ADAM12: variants seen among roughly 807,000 people sequenced by gnomAD.
ADAM12 encodes ADAM metallopeptidase domain 12, also known as disintegrin and metalloproteinase domain-containing protein 12.
ADAM12 carries 70 observed loss-of-function variants against 106.4 expected under a neutral mutation model. That is an observed-to-expected ratio of 0.66 (90% CI 0.54 to 0.80). The LOEUF is 0.80. Ranked by LOEUF, ADAM12 falls within the 30% of genes least tolerant of loss-of-function variation. The probability of loss-of-function intolerance (pLI) is 0.00; values close to 1 mark genes in which losing one functional copy is unlikely to be tolerated. For synonymous variants in ADAM12, 420 were observed against 433.5 expected, an observed-to-expected ratio of 0.97 and a Z score of 0.39; for missense variants, 1,010 against 1,171.9, an observed-to-expected ratio of 0.86 and a Z score of 2.02.
intron 2 of ADAM12, among the ~76,000 whole-genome samples, chr10:126,302,818 T>C (rs1214809348): frequency 2.0e-5 from 3 of 152,248 alleles, no homozygotes; most frequent in Non-Finnish European, 4.4e-5. Flanking sequence ...CATTTCAGAA[T>C]GATAAATGCC....
chr10:126,305,983 T>C lies in ADAM12; in HGVS notation c.186+24429A>G, dbSNP rs986516228. On this transcript the variant is annotated intron_variant, in intron 2 of 22. Coordinates refer to ENST00000448723, the MANE Select transcript of ADAM12 (RefSeq NM_001288973.2). ...TATATTTATATATACTTCATTTCTG[T>C]ATGTATTGACATTTAAAGTGTATCT... is the stretch of plus-strand genomic sequence containing the variant. Among the ~76,000 whole-genome samples, 3 of 152,182 alleles carry C rather than the reference T, an allele frequency of 2.0e-5. No homozygotes were observed. The South Asian group carries it at 6.2e-4, about 32-fold the overall frequency.
In ADAM12 at chr10:126,312,996, G is replaced by A. The variant is rs143120185; in HGVS notation, c.186+17416C>T. On this transcript the variant is annotated intron_variant, in intron 2 of 22. Coordinates refer to ENST00000448723, the MANE Select transcript of ADAM12 (RefSeq NM_001288973.2). ...AATTAGCCATGTTGGTTCAGATGAA[G>A]AGACAACATCACACGTTGCTACTTT... Among the ~76,000 whole-genome samples the A allele has an allele frequency of 3.1e-3, 477 of 152,340 alleles. 2 individuals carry two copies. The highest frequency in any genetic ancestry group is 0.011 in the African/African-American group (441 of 41,574).
intron 1 of ADAM12, among the ~76,000 whole-genome samples, chr10:126,387,204 G>A (rs535066269): frequency 2.0e-5 from 3 of 152,348 alleles, no homozygotes; most frequent in South Asian, 2.1e-4. Context: ...CGGCGGCGGA[G>A]ACCCGGGGAA....
chr10:126,258,337 T>C (rs1384376373), intron 3 of ADAM12, among the ~76,000 whole-genome samples: 1 of 152,118 alleles, frequency 6.6e-6, no homozygotes, highest in East Asian at 1.9e-4. Context: ...TCAGGATTTT[T>C]CCCTAATTAT....
In ADAM12 at chr10:126,019,715, C is replaced by G; in HGVS notation, c.2640G>C (p.Gly880=). 1 of 1,613,894 alleles carries G rather than the reference C, an allele frequency of 6.2e-7. No homozygotes were observed. The highest frequency in any genetic ancestry group is 8.5e-7 in the Non-Finnish European group (1 of 1,179,834). ...LARTPGQWET[G]LRLAPLRPAP... is the part of the protein sequence containing the mutation. ...CAAACCTGAGGGGTGCCAGGCGGAGCCCAGTCTCCCATTGTCCTGGGGTCC... is the reference window on the plus strand; with the variant it reads ...CAAACCTGAGGGGTGCCAGGCGGAGGCCAGTCTCCCATTGTCCTGGGGTCC... Residue 880 remains glycine, a synonymous_variant, in exon 22 of 23, where the codon GGG becomes GGC. Transcript: ENST00000448723.
intron 3 of ADAM12, among the ~76,000 whole-genome samples, chr10:126,218,534 G>A (rs1958030870): frequency 6.6e-6 from 1 of 152,130 alleles, no homozygotes; most frequent in Non-Finnish European, 1.5e-5. Flanking sequence ...AGGTGCTTGG[G>A]TCTGTGAGGT....
intron 2 of ADAM12, among the ~76,000 whole-genome samples, chr10:126,309,635 G>T (rs1049423945): frequency 3.3e-5 from 5 of 152,206 alleles, no homozygotes; most frequent in Non-Finnish European, 7.3e-5. Flanking sequence ...ATTACACTGA[G>T]TGGGAATCCA....
intron 3 of ADAM12, among the ~76,000 whole-genome samples, chr10:126,236,558 G>A (rs553500995): frequency 5.9e-5 from 9 of 152,300 alleles, no homozygotes; most frequent in South Asian, 2.1e-4. Context: ...AAGCAAGCAC[G>A]GCTCTGCGGG....
intron 11 of ADAM12, among the ~76,000 whole-genome samples, chr10:126,072,069 T>C (rs903040629): frequency 2.0e-5 from 3 of 151,630 alleles, no homozygotes; most frequent in African/African-American, 4.8e-5. Context: ...AAGAAAAGAG[T>C]ACAAATGACG....
intron 3 of ADAM12, among the ~76,000 whole-genome samples, chr10:126,220,036 G>A (rs938185226): frequency 1.3e-5 from 2 of 152,180 alleles, no homozygotes; most frequent in South Asian, 2.1e-4. Context: ...CAAGTAGGAC[G>A]TCTCTGAATC....
intron 2 of ADAM12, among the ~76,000 whole-genome samples, chr10:126,328,199 C>T (rs1048929405): frequency 6.6e-6 from 1 of 152,180 alleles, no homozygotes; most frequent in African/African-American, 2.4e-5. Context: ...TGGCAGAAAG[C>T]GTGTCTGCCT....
intron 11 of ADAM12, among the ~76,000 whole-genome samples, chr10:126,084,940 GTTC>G (rs1343665270): frequency 6.6e-6 from 1 of 152,220 alleles, no homozygotes; most frequent in Non-Finnish European, 1.5e-5. Flanking sequence ...GATTGTACCT[GTTC>G]TTTATTTTTA....
rs541258970 is a variant in ADAM12, at chr10:126,023,698, G to A, written c.2530-3873C>T. ...TTCTGGTGCTGGACAGACCGAGGGA[G>A]AAAAATAAACCTGTCACCACAAATT... On this transcript the variant is annotated intron_variant, in intron 21 of 22. Coordinates refer to ENST00000448723, the MANE Select transcript of ADAM12 (RefSeq NM_001288973.2). Among the ~76,000 whole-genome samples, 6 of 152,282 alleles carry A rather than the reference G, an allele frequency of 3.9e-5. No homozygotes were observed. The East Asian group carries it at 1.2e-3, about 29-fold the overall frequency.
chr10:126,088,794 G>A (rs567966294), intron 11 of ADAM12, among the ~76,000 whole-genome samples: 20 of 152,162 alleles, frequency 1.3e-4, no homozygotes, highest in African/African-American at 3.4e-4. Context: ...TTTGTGTTCC[G>A]TGTCCAGGCA....
At chr10:126,039,710 G>A (rs1025583328) in intron 18 of ADAM12, among the ~76,000 whole-genome samples, 6 of 152,216 alleles carry the variant, frequency 3.9e-5, no homozygotes, top group Non-Finnish European at 4.4e-5. Context: ...TCCCTGAGGC[G>A]TGACAACGGC....
Position 126,331,232 on chromosome 10 carries a change from G to A in ADAM12, c.89-723C>T, listed in dbSNP as rs144766506. ...GGTGTATCACTTTCTCAACAAATAC[G>A]CTAATTTCTCTGGACTTGCTCTCCT... On this transcript the variant is annotated intron_variant, in intron 1 of 22. Coordinates refer to ENST00000448723, the MANE Select transcript of ADAM12 (RefSeq NM_001288973.2). 5.3e-5 allele frequency among the ~76,000 whole-genome samples: 8 copies of A among 152,156 alleles called. No homozygotes were observed. In the East Asian group the frequency reaches 5.8e-4, roughly 11 times the overall value.
intron 21 of ADAM12, among the ~76,000 whole-genome samples, chr10:126,024,484 A>C (rs925846929): frequency 2.0e-5 from 3 of 152,216 alleles, no homozygotes; most frequent in African/African-American, 7.2e-5. Context: ...TATTTAAAAA[A>C]TATACACTAC....
intron 14 of ADAM12, among the ~76,000 whole-genome samples, chr10:126,055,545 T>C (rs1954611123): frequency 6.6e-6 from 1 of 152,174 alleles, no homozygotes; most frequent in South Asian, 2.1e-4. Context: ...AGATTTTCAC[T>C]TAGACTCAGC....
chr10:126,080,033 T>A (rs1258920242), intron 11 of ADAM12, among the ~76,000 whole-genome samples: 1 of 152,208 alleles, frequency 6.6e-6, no homozygotes, highest in African/African-American at 2.4e-5. Context: ...TACCTGGAAG[T>A]GTTATGTGAA....
Sources: allele counts gnomAD v4.1 joint callset (sites outside exome capture counted in the v4.1 genomes callset), GRCh38; gene constraint gnomAD v4.1.1; transcripts MANE v1.5; gene names NCBI Gene and HGNC (gene_info 2026-07-23, HGNC 2026-07-21).